The following CLSTN2 variants were observed in gnomAD, a reference collection of about 807,000 sequenced individuals.
The protein encoded by CLSTN2 is calsyntenin 2.
Under a neutral mutation model 101.2 loss-of-function variants are expected in CLSTN2, and 48 were observed. The ratio of observed to expected loss-of-function variants is 0.47; its 90% CI spans 0.38 to 0.60. The LOEUF (loss-of-function observed/expected upper bound fraction) is 0.60, where lower values mean the gene tolerates loss of function less well. Ranked by LOEUF, CLSTN2 falls within the 20% of genes least tolerant of loss-of-function variation. The pLI, the probability that CLSTN2 is intolerant of heterozygous loss-of-function variation, is 0.00. For missense variants in CLSTN2, 1,160 were observed against 1,238.2 expected (o/e 0.94, Z 0.95); for synonymous variants, 481 against 463.6 (o/e 1.04, Z -0.48).
chr3:140,551,180 ACTC>A (rs1188808460), intron 10 of CLSTN2, among the ~76,000 whole-genome samples: 3 of 150,328 alleles, frequency 2.0e-5, no homozygotes, highest in African/African-American at 7.3e-5. Context: ...CCCTCCCTTT[ACTC>A]CTCATGTCAT....
At chr3:140,303,949 T>G (rs141580753) in intron 2 of CLSTN2, among the ~76,000 whole-genome samples, 1 of 152,100 alleles carries the variant, frequency 6.6e-6, no homozygotes, top group East Asian at 1.9e-4. Context: ...GCCACTTCTC[T>G]GATTTTAAGC....
At chr3:140,019,077 AG>A (rs2007256200) in intron 1 of CLSTN2, among the ~76,000 whole-genome samples, 1 of 152,062 alleles carries the variant, frequency 6.6e-6, no homozygotes, top group Admixed American at 6.6e-5. Flanking sequence ...AACCACTCAG[AG>A]GAGTCTGCAC....
chr3:140,553,397 A>C (rs543819029), intron 10 of CLSTN2, among the ~76,000 whole-genome samples: 84 of 152,348 alleles, frequency 5.5e-4, no homozygotes, highest in African/African-American at 2.0e-3. Context: ...GAGGAAATGA[A>C]GTCTAAGAGG....
chr3:140,380,431 A>G (rs1005594850), intron 2 of CLSTN2, among the ~76,000 whole-genome samples: 1 of 152,238 alleles, frequency 6.6e-6, no homozygotes, highest in African/African-American at 2.4e-5. Flanking sequence ...GGCACTAACA[A>G]TGAAATAATA....
intron 8 of CLSTN2, chr3:140,508,907 C>A (rs968706436): frequency 1.3e-5 from 2 of 151,938 alleles, no homozygotes; most frequent in Non-Finnish European, 2.9e-5. Context: ...TGCTTTTTTG[C>A]CCCCCTTTTT....
chr3:140,191,000 A>G (rs1477576808), intron 2 of CLSTN2, among the ~76,000 whole-genome samples: 2 of 152,096 alleles, frequency 1.3e-5, no homozygotes, highest in African/African-American at 2.4e-5. Flanking sequence ...TCCCAGTCTC[A>G]GGGGAAAGCA....
chr3:139,971,512 C>T (rs1418526642), intron 1 of CLSTN2, among the ~76,000 whole-genome samples: 1 of 152,198 alleles, frequency 6.6e-6, no homozygotes, highest in East Asian at 1.9e-4. Flanking sequence ...CTGTAGAATG[C>T]AGAGCATTGC....
chr3:140,309,439 T>C (rs1394830881), intron 2 of CLSTN2, among the ~76,000 whole-genome samples: 1 of 152,078 alleles, frequency 6.6e-6, no homozygotes, highest in Non-Finnish European at 1.5e-5. Context: ...ACTGGGTGTC[T>C]GTAGAGGAAA....
chr3:140,545,946 C>G (rs2107786430), intron 9 of CLSTN2, among the ~76,000 whole-genome samples: 1 of 152,314 alleles, frequency 6.6e-6, no homozygotes, highest in East Asian at 1.9e-4. Flanking sequence ...ATAAATGCAG[C>G]ATTTCTAGTA....
intron 1 of CLSTN2, among the ~76,000 whole-genome samples, chr3:139,971,599 A>T (rs1169996532): frequency 6.6e-6 from 1 of 152,246 alleles, no homozygotes; most frequent in East Asian, 1.9e-4. Context: ...ACAGTTGTTA[A>T]GCATGGAATG....
At position 140,385,357 on chromosome 3, in the gene CLSTN2, C is replaced by CTTTTT. The variant is rs546696189; in HGVS notation, c.233-18249_233-18245dup. Among the ~76,000 whole-genome samples, 35 of 72,834 alleles carry CTTTTT rather than the reference C, an allele frequency of 4.8e-4. 4 individuals are homozygous for CTTTTT. Among genetic ancestry groups the CTTTTT allele is most frequent in the African/African-American group, 2.0e-3 (30 of 15,358 alleles). 47.8% of individuals were successfully genotyped at this position (72,834 alleles called of 152,430 possible). ...CATTGCCAGTTGGGTCCCTGATGTT[C>CTTTTT]TTTTTTTTTTTTTTTTTTTTTTTTT... is the stretch of plus-strand genomic sequence containing the variant. On this transcript the variant is annotated intron_variant, in intron 2 of 16. Transcript: ENST00000458420.
chr3:140,056,633 T>C (rs1037242785), intron 1 of CLSTN2, among the ~76,000 whole-genome samples: 7 of 152,204 alleles, frequency 4.6e-5, no homozygotes, highest in African/African-American at 1.4e-4. Context: ...AGAGGAAGTT[T>C]GCAAAATTCA....
At chr3:140,244,357 C>T (rs1454477095) in intron 2 of CLSTN2, among the ~76,000 whole-genome samples, 1 of 152,216 alleles carries the variant, frequency 6.6e-6, no homozygotes, top group Non-Finnish European at 1.5e-5. Flanking sequence ...CACTGCCTTT[C>T]AGGGCATTAT....
chr3:140,404,480 C>G (rs2088280701), intron 3 of CLSTN2, 78 bp from the exon 4 acceptor site: 6 of 1,348,648 alleles, frequency 4.4e-6, no homozygotes, highest in African/African-American at 1.4e-5. Context: ...GGACCTCAGT[C>G]AGTGCCCCCA....
chr3:140,069,770 C>A (rs1335257239), intron 1 of CLSTN2, among the ~76,000 whole-genome samples: 1 of 152,192 alleles, frequency 6.6e-6, no homozygotes, highest in East Asian at 1.9e-4. Context: ...TGCTTCTCTC[C>A]ATGAGGCTAG....
intron 1 of CLSTN2, among the ~76,000 whole-genome samples, chr3:140,083,191 G>A (rs76960149): frequency 4.5e-4 from 68 of 152,188 alleles, no homozygotes; most frequent in African/African-American, 1.6e-3. Flanking sequence ...ATGATGATTT[G>A]AATATTTAAT....
intron 2 of CLSTN2, among the ~76,000 whole-genome samples, chr3:140,209,535 C>T (rs1042375913): frequency 6.6e-6 from 1 of 152,106 alleles, no homozygotes; most frequent in African/African-American, 2.4e-5. Flanking sequence ...GAAGGTTCAT[C>T]CTATAGCTTT....
intron 8 of CLSTN2, among the ~76,000 whole-genome samples, chr3:140,499,126 T>C (rs992397958): frequency 6.6e-6 from 1 of 152,206 alleles, no homozygotes; most frequent in Non-Finnish European, 1.5e-5. Context: ...TATAATCTGA[T>C]GAGAAAACCT....
chr3:139,948,395 G>A (rs1490762673), intron 1 of CLSTN2, among the ~76,000 whole-genome samples: 1 of 151,938 alleles, frequency 6.6e-6, no homozygotes, highest in Non-Finnish European at 1.5e-5. Flanking sequence ...AATCTGGGAG[G>A]CAGAGGTTGC....
Sources: allele counts gnomAD v4.1 joint callset (sites outside exome capture counted in the v4.1 genomes callset), GRCh38; gene constraint gnomAD v4.1.1; transcripts MANE v1.5; gene names NCBI Gene and HGNC (gene_info 2026-07-23, HGNC 2026-07-21).